ITGB5: variants seen among roughly 807,000 people sequenced by gnomAD.
ITGB5 encodes integrin beta-5.
In ITGB5, 38 loss-of-function variants were observed where a neutral mutation model predicts 84.8. The observed-to-expected ratio is 0.45, with a 90% CI of 0.35 to 0.59. ITGB5 has a LOEUF of 0.59. Among genes scored for constraint, ITGB5 ranks in the 20% least tolerant of loss-of-function variants. The pLI is 0.01. For synonymous variants in ITGB5, 393 were observed against 414.4 expected (o/e 0.95, Z 0.63); for missense variants, 905 against 1,034.5 (o/e 0.87, Z 1.72).
At position 124,821,436 on chromosome 3, in the gene ITGB5, C is replaced by T; in HGVS notation, c.819G>A (p.Leu273=). 1 of 1,614,234 alleles carries T rather than the reference C, an allele frequency of 6.2e-7. No homozygotes were observed. The highest frequency in any genetic ancestry group is 8.5e-7 in the Non-Finnish European group (1 of 1,180,032). ...GGGGCACATCATCTGTTGTGAACACCAGCAAATGCAGTGCATCCTTTCGCC... is the reference window on the plus strand; with the variant it reads ...GGGGCACATCATCTGTTGTGAACACTAGCAAATGCAGTGCATCCTTTCGCC... ...IGWRKDALHL[L]VFTTDDVPHI... Residue 273 remains leucine (L), a synonymous_variant, in exon 6 of 15, where the codon CTG becomes CTA. Coordinates refer to ENST00000296181, the MANE Select transcript of ITGB5 (RefSeq NM_002213.5).
chr3:124,816,821 C>A (rs1208719132), intron 8 of ITGB5, among the ~76,000 whole-genome samples: 1 of 152,174 alleles, frequency 6.6e-6, no homozygotes, highest in African/African-American at 2.4e-5. Flanking sequence ...ATATTAGGGC[C>A]AATTTCACAT....
At chr3:124,870,439 C>T (rs1450164046) in intron 2 of ITGB5, among the ~76,000 whole-genome samples, 1 of 152,120 alleles carries the variant, frequency 6.6e-6, no homozygotes, top group African/African-American at 2.4e-5. Flanking sequence ...AGATAGAACC[C>T]CTGCCCCAGT....
chr3:124,834,376 C>T (rs944469395), intron 5 of ITGB5, among the ~76,000 whole-genome samples: 1 of 145,386 alleles, frequency 6.9e-6, no homozygotes, highest in Non-Finnish European at 1.5e-5. Context: ...TTGCTATGAA[C>T]CTAAAACTGC....
At chr3:124,818,013 G>A (rs2064633559) in intron 7 of ITGB5, among the ~76,000 whole-genome samples, 1 of 152,104 alleles carries the variant, frequency 6.6e-6, no homozygotes, top group African/African-American at 2.4e-5. Flanking sequence ...AGACAGCTCT[G>A]TAAAAGCCCA....
At chr3:124,819,012 CGAG>C (rs1250929690) in intron 7 of ITGB5, among the ~76,000 whole-genome samples, 2 of 152,088 alleles carry the variant, frequency 1.3e-5, no homozygotes, top group Non-Finnish European at 2.9e-5. Context: ...ATGAGCACAC[CGAG>C]GAGATCTGTA....
In ITGB5 at chr3:124,818,871, T is replaced by C. The variant is rs556761068; in HGVS notation, c.1038+868A>G. 5.5e-4 allele frequency among the ~76,000 whole-genome samples: 83 copies of C among 152,230 alleles called. No homozygotes were observed. The Middle Eastern group carries it at 0.01, about 19-fold the overall frequency. On this transcript the variant is annotated intron_variant, in intron 7 of 14. Coordinates refer to ENST00000296181, the MANE Select transcript of ITGB5 (RefSeq NM_002213.5). ...TCAGACAAAGGTTCTTTTGTGGACATTCAAGAGCAAGAAGGAGAGGGAACT... is the reference window on the plus strand; with the variant it reads ...TCAGACAAAGGTTCTTTTGTGGACACTCAAGAGCAAGAAGGAGAGGGAACT...
At chr3:124,788,088 C>T (rs916438474) in intron 10 of ITGB5, among the ~76,000 whole-genome samples, 12 of 151,898 alleles carry the variant, frequency 7.9e-5, no homozygotes, top group South Asian at 2.1e-4. Context: ...TTTGTAGAGA[C>T]GGGGCCTTGC....
chr3:124,875,554 C>T (rs1217341458), intron 1 of ITGB5, among the ~76,000 whole-genome samples: 2 of 151,364 alleles, frequency 1.3e-5, no homozygotes, highest in African/African-American at 4.9e-5. Context: ...ACTCTGTACA[C>T]TGTTGGTGGG....
upstream of ITGB5, among the ~76,000 whole-genome samples, chr3:124,892,527 TAA>T (rs34284622): frequency 4.0e-4 from 43 of 106,242 alleles, no homozygotes; most frequent in South Asian, 7.2e-4. Context: ...CCATCTCTAT[TAA>T]AAAAAAAAAA....
At chr3:124,811,815 A>G (rs753340085) in intron 8 of ITGB5, among the ~76,000 whole-genome samples, 14 of 152,172 alleles carry the variant, frequency 9.2e-5, no homozygotes, top group Non-Finnish European at 1.6e-4. Flanking sequence ...TCATGTATGG[A>G]AGCTGGAGGT....
In ITGB5 at chr3:124,805,257, C is replaced by T. The variant is rs534630701; in HGVS notation, c.1263+3765G>A. Among the ~76,000 whole-genome samples the T allele has an allele frequency of 4.6e-5, 7 of 152,072 alleles. No individual in the cohort carries two copies. In the East Asian group the frequency reaches 1.4e-3, roughly 30 times the overall value. On this transcript the variant is annotated intron_variant, in intron 9 of 14. Transcript: ENST00000296181. ...TCTCACACTCCAGCGATCCTCCCACCTCAGCTTCTCAACTAGGTGGGACCA... is the reference window on the plus strand; with the variant it reads ...TCTCACACTCCAGCGATCCTCCCACTTCAGCTTCTCAACTAGGTGGGACCA...
intron 4 of ITGB5, among the ~76,000 whole-genome samples, chr3:124,846,475 T>C (rs982723678): frequency 6.7e-5 from 10 of 150,228 alleles, no homozygotes; most frequent in Non-Finnish European, 1.5e-4. Context: ...GTTGAGCCAC[T>C]GAGATTTGGA....
chr3:124,846,665 G>A (rs2065082590), intron 4 of ITGB5, among the ~76,000 whole-genome samples: 1 of 152,196 alleles, frequency 6.6e-6, no homozygotes, highest in Admixed American at 6.5e-5. Flanking sequence ...CGGATGCAGT[G>A]GCTCATGCCT....
intron 9 of ITGB5, among the ~76,000 whole-genome samples, chr3:124,803,681 C>G (rs1036749968): frequency 1.3e-5 from 2 of 152,206 alleles, no homozygotes; most frequent in Non-Finnish European, 2.9e-5. Flanking sequence ...TGCGCGAGCG[C>G]TGGGCTCCCC....
chr3:124,778,216 C>T lies in ITGB5; in HGVS notation c.1694-4304G>A, dbSNP rs1205487127. Among the ~76,000 whole-genome samples, 4 of 152,252 alleles carry T rather than the reference C, an allele frequency of 2.6e-5. No individual in the cohort carries two copies. The East Asian group carries it at 7.7e-4, about 29-fold the overall frequency. On this transcript the variant is annotated intron_variant, in intron 10 of 14. Transcript: ENST00000296181. Reference sequence around the variant, plus strand: ...TCCCTGTGCAAGCTGTGAACTGCTACACATGCAAGTTGTTATTATTAGTAC... The same window carrying T: ...TCCCTGTGCAAGCTGTGAACTGCTATACATGCAAGTTGTTATTATTAGTAC...
intron 1 of ITGB5, among the ~76,000 whole-genome samples, chr3:124,876,396 T>C (rs957846868): frequency 6.6e-5 from 10 of 151,968 alleles, no homozygotes; most frequent in African/African-American, 2.4e-4. Flanking sequence ...ACTGGAACAT[T>C]TCCCTAATTT....
chr3:124,865,786 C>T (rs1021734068), intron 2 of ITGB5, among the ~76,000 whole-genome samples: 11 of 151,984 alleles, frequency 7.2e-5, no homozygotes, highest in South Asian at 4.2e-4. Context: ...CCATGCCTGG[C>T]CTTTTGCTGC....
Position 124,809,020 on chromosome 3 carries a change from A to C in ITGB5, c.1263+2T>G, listed in dbSNP as rs1255743842. 6.2e-7 allele frequency: 1 copy of C among 1,613,860 alleles called. No homozygotes were observed. The highest frequency in any genetic ancestry group is 2.2e-5 in the East Asian group (1 of 44,896). Reference sequence around the variant, plus strand: ...TTCATACAAACTTGGGGTGAGACTTACCGTGTCCCCAATCTTCAGACCCTC... The same window carrying C: ...TTCATACAAACTTGGGGTGAGACTTCCCGTGTCCCCAATCTTCAGACCCTC... On this transcript the variant is annotated splice_donor_variant, in intron 9 of 14. Transcript: ENST00000296181. LOFTEE classifies it high-confidence loss of function.
At chr3:124,880,746 C>T (rs1218403541) in intron 1 of ITGB5, among the ~76,000 whole-genome samples, 3 of 152,054 alleles carry the variant, frequency 2.0e-5, no homozygotes, top group South Asian at 4.2e-4. Context: ...TGGCCTACAT[C>T]GTGAAACCCT....
Sources: allele counts gnomAD v4.1 joint callset (sites outside exome capture counted in the v4.1 genomes callset), GRCh38; gene constraint gnomAD v4.1.1; transcripts MANE v1.5; gene names NCBI Gene and HGNC (gene_info 2026-07-23, HGNC 2026-07-21).